MUC17: variants seen among roughly 807,000 people sequenced by gnomAD.
MUC17 encodes the protein mucin 17, cell surface associated, also known as mucin-17.
In MUC17, 190 loss-of-function variants were observed where a neutral mutation model predicts 170.3. The observed-to-expected ratio is 1.12, with a 90% CI of 0.99 to 1.26. MUC17 has a LOEUF of 1.26. MUC17 is among the 50% of genes most tolerant of loss of function. The probability of loss-of-function intolerance (pLI) is 0.00; values close to 1 mark genes in which losing one functional copy is unlikely to be tolerated. For missense variants in MUC17, 6,415 were observed against 5,530.0 expected (o/e 1.16, Z -5.08); for synonymous variants, 2,325 against 2,002.5 (o/e 1.16, Z -4.30).
intron 1 of MUC17, among the ~76,000 whole-genome samples, chr7:101,030,321 C>A (rs1794255617): frequency 2.0e-5 from 3 of 149,816 alleles, no homozygotes; most frequent in African/African-American, 7.4e-5. Context: ...CTCCCAGATT[C>A]AAGCAATTCT....
In MUC17 at chr7:101,043,717, C is replaced by G. The variant is rs368040615; in HGVS notation, c.12301C>G (p.Arg4101Gly). The G allele has an allele frequency of 2.5e-6, 4 of 1,614,190 alleles. No individual in the cohort carries two copies. Among genetic ancestry groups the G allele is most frequent in the East Asian group, 4.5e-5 (2 of 44,882 alleles). ...TMTTRTKPST[R>G]TTSFPTVTTT... is the part of the protein sequence containing the mutation. ...GACCACCAGGACAAAACCCAGCACACGGACCACTTCCTTCCCCACGGTGAC... is the reference window on the plus strand; with the variant it reads ...GACCACCAGGACAAAACCCAGCACAGGGACCACTTCCTTCCCCACGGTGAC... The change falls in exon 3 of 13, where the codon CGG becomes GGG. Residue 4101 changes from arginine (R) to glycine (G), a missense_variant. Coordinates refer to ENST00000306151, the MANE Select transcript of MUC17 (RefSeq NM_001040105.2).
chr7:101,049,301 C>T (rs1383973047), intron 5 of MUC17, 23 bp from the exon 6 acceptor site: 1 of 1,614,078 alleles, frequency 6.2e-7, no homozygotes, highest in African/African-American at 1.3e-5. Flanking sequence ...TCTGGGATGA[C>T]ACAGTGGCCC....
At position 101,039,075 on chromosome 7, in the gene MUC17, T is replaced by C. The variant is rs145641259; in HGVS notation, c.7659T>C (p.Ser2553=). 1.7e-5 allele frequency: 27 copies of C among 1,613,214 alleles called. No homozygotes were observed. In the South Asian group the frequency reaches 3.0e-4, roughly 18 times the overall value. ...NSPVVTSTEI[S]SSATSAEGTS... is the part of the protein sequence containing the mutation. ...CTGTGGTCACTTCTACTGAAATCAG[T>C]TCATCTGCTACATCCGCTGAAGGTA... The change falls in exon 3 of 13, where the codon AGT becomes AGC. Residue 2553 remains serine, a synonymous_variant. Coordinates refer to ENST00000306151, the MANE Select transcript of MUC17 (RefSeq NM_001040105.2).
intron 3 of MUC17, among the ~76,000 whole-genome samples, chr7:101,046,077 TAGAG>T (rs1028009465): frequency 2.4e-4 from 36 of 152,240 alleles, no homozygotes; most frequent in African/African-American, 8.4e-4. Flanking sequence ...GGGAGAGAGA[TAGAG>T]GGAGGAGACT....
In MUC17 at chr7:101,032,479, T is replaced by A; in HGVS notation, c.1063T>A (p.Ser355Thr). ...PVATSEMSTL[S>T]ITPVDTSTLV... is the part of the protein sequence containing the mutation. ...TGCCACTTCTGAAATGAGCACACTT[T>A]CAATAACTCCTGTTGACACCAGCAC... Residue 355 changes from serine to threonine, a missense_variant, in exon 3 of 13, where the codon TCA (serine) becomes ACA (threonine). Transcript: ENST00000306151. 6.2e-7 allele frequency: 1 copy of A among 1,614,076 alleles called. No homozygotes were observed. The highest frequency in any genetic ancestry group is 8.5e-7 in the Non-Finnish European group (1 of 1,179,994).
At position 101,039,632 on chromosome 7, in the gene MUC17, C is replaced by G. The variant is rs1177152708; in HGVS notation, c.8216C>G (p.Thr2739Ser). Reference protein sequence around the residue: ...ASSSPTTAEGTSMRISTPSDG... With the variant: ...ASSSPTTAEGSSMRISTPSDG... ...TCTTCTCCTACAACTGCTGAAGGTA[C>G]CAGCATGCGAATCTCAACTCCTAGT... The change falls in exon 3 of 13, where the codon ACC becomes AGC. Residue 2739 changes from threonine to serine, a missense_variant. Thr to Ser is a moderately conservative substitution (Grantham distance 58). Transcript: ENST00000306151. The G allele has an allele frequency of 1.2e-6, 2 of 1,610,732 alleles. No homozygotes were observed. Among genetic ancestry groups the G allele is most frequent in the South Asian group, 2.2e-5 (2 of 90,912 alleles).
intron 3 of MUC17, among the ~76,000 whole-genome samples, chr7:101,044,345 G>A (rs1447991132): frequency 6.6e-6 from 1 of 152,140 alleles, no homozygotes; most frequent in Non-Finnish European, 1.5e-5. Flanking sequence ...GTGGGCAAAG[G>A]ATAAGAACAG....
Position 101,036,755 on chromosome 7 carries a change from T to G in MUC17, c.5339T>G (p.Val1780Gly), listed in dbSNP as rs182021493. Residue 1780 changes from valine to glycine, a missense_variant, in exon 3 of 13, where the codon GTG becomes GGG. Val to Gly is a moderately radical substitution (Grantham distance 109). Transcript: ENST00000306151. ...ACTCCTATTGACACCAGCACCCCTG[T>G]GACCACTTCTACTGAAGCCACTTCG... ...SATPIDTSTP[V>G]TTSTEATSSP... 3.1e-6 allele frequency: 5 copies of G among 1,612,496 alleles called. No homozygotes were observed. Among genetic ancestry groups the G allele is most frequent in the African/African-American group, 1.3e-5 (1 of 74,574 alleles).
In MUC17 at chr7:101,041,539, A is replaced by G; in HGVS notation, c.10123A>G (p.Thr3375Ala). 7 of 1,607,634 alleles carry G rather than the reference A, an allele frequency of 4.4e-6. No homozygotes were observed. Among genetic ancestry groups the G allele is most frequent in the Non-Finnish European group, 5.1e-6 (6 of 1,178,170 alleles). Residue 3375 changes from threonine (T) to alanine (A), a missense_variant, in exon 3 of 13, where the codon ACT becomes GCT. By Grantham distance (58) the Thr-to-Ala change is moderately conservative. Transcript: ENST00000306151. ...CACCAGCACACCTGTCACCACTTCT[A>G]CTGAAGCCAGTTTATCTCCTACAAC... ...VDTSTPVTTSTEASLSPTTAE... is the reference protein window; with the variant it reads ...VDTSTPVTTSAEASLSPTTAE...
chr7:101,055,218 C>T (rs10215095), intron 11 of MUC17, among the ~76,000 whole-genome samples: 3,257 of 151,140 alleles, frequency 0.022, 49 homozygotes, highest in Middle Eastern at 0.027. Flanking sequence ...TCATAATACA[C>T]ATAAGTAGAT....
Position 101,033,754 on chromosome 7 carries a change from A to G in MUC17, c.2338A>G (p.Thr780Ala). Residue 780 changes from threonine (T) to alanine (A), a missense_variant, in exon 3 of 13, where the codon ACT (threonine) becomes GCT (alanine). By Grantham distance (58) the Thr-to-Ala change is moderately conservative. Transcript: ENST00000306151. ...TPLDTSTHITTSTEASCSPTT... is the reference protein window; with the variant it reads ...TPLDTSTHITASTEASCSPTT... ...TCTTGACACAAGCACACATATCACCACTTCTACTGAAGCCAGTTGCTCTCC... is the reference window on the plus strand; with the variant it reads ...TCTTGACACAAGCACACATATCACCGCTTCTACTGAAGCCAGTTGCTCTCC... The G allele has an allele frequency of 6.2e-7, 1 of 1,613,926 alleles. No homozygotes were observed.
intron 1 of MUC17, among the ~76,000 whole-genome samples, chr7:101,024,277 G>A (rs1794143182): frequency 6.6e-6 from 1 of 151,918 alleles, no homozygotes; most frequent in South Asian, 2.1e-4. Context: ...TGACAAGCCT[G>A]TAATCTCAGC....
Position 101,050,090 on chromosome 7 carries a change from C to T in MUC17, c.12723-394C>T, listed in dbSNP as rs28431921. On this transcript the variant is annotated intron_variant, in intron 6 of 12. Transcript: ENST00000306151. Reference sequence around the variant, plus strand: ...AGGCTAGAGTAAGCCAGGATCGCACCATTGCTCTCCAGCCTGGGCAGCAGT... The same window carrying T: ...AGGCTAGAGTAAGCCAGGATCGCACTATTGCTCTCCAGCCTGGGCAGCAGT... 4.3e-3 allele frequency among the ~76,000 whole-genome samples: 651 copies of T among 152,278 alleles called. 4 individuals are homozygous for T. The highest frequency in any genetic ancestry group is 0.015 in the African/African-American group (626 of 41,558).
intron 1 of MUC17, among the ~76,000 whole-genome samples, chr7:101,025,365 G>GA (rs796440861): frequency 2.1e-3 from 259 of 121,632 alleles, no homozygotes; most frequent in Admixed American, 4.0e-3. Context: ...TCCGTCTTAA[G>GA]AAAAAAAAAA....
rs1418837657 is a variant in MUC17 at position 101,036,854 on chromosome 7, C to T, written c.5438C>T (p.Thr1813Ile). Residue 1813 changes from threonine (T) to isoleucine (I), a missense_variant, in exon 3 of 13, where the codon ACA becomes ATA. Coordinates refer to ENST00000306151, the MANE Select transcript of MUC17 (RefSeq NM_001040105.2). ...GAAGGAATGACTCCATTAACAAGCA[C>T]ACCTGTCAGCCACACGCTGGTGGCC... ...LSEGMTPLTSTPVSHTLVANS... is the reference protein window; with the variant it reads ...LSEGMTPLTSIPVSHTLVANS... 2.5e-6 allele frequency: 4 copies of T among 1,604,750 alleles called. No homozygotes were observed. The African/African-American group carries it at 4.1e-5, about 16-fold the overall frequency.
intron 12 of MUC17, among the ~76,000 whole-genome samples, chr7:101,057,350 G>T (rs568797411): frequency 6.8e-4 from 104 of 152,332 alleles, no homozygotes; most frequent in African/African-American, 2.5e-3. Flanking sequence ...CTTTGGGCAA[G>T]GATGAAATCT....
In MUC17 at chr7:101,032,118, C is replaced by T; in HGVS notation, c.702C>T (p.Ile234=). 3 of 1,613,668 alleles carry T rather than the reference C, an allele frequency of 1.9e-6. No homozygotes were observed. The highest frequency in any genetic ancestry group is 3.3e-4 in the Middle Eastern group (2 of 6,052). ...STMKVASSEA[I]TLLTTPVEIS... ...TGAAGGTGGCCAGTTCAGAGGCTAT[C>T]ACCCTTTTGACAACTCCTGTTGAAA... The change falls in exon 3 of 13, where the codon ATC becomes ATT. Residue 234 remains isoleucine (I), a synonymous_variant. Transcript: ENST00000306151.
In MUC17 at chr7:101,053,310, T is replaced by A. The variant is rs377469320; in HGVS notation, c.13266-29T>A. ...CCTTATTCCTGTTCCCCAATCCTAA[T>A]GGGGTCTCTCTGATGTTTCCATCAC... On this transcript the variant is annotated intron_variant, in intron 10 of 12. Transcript: ENST00000306151. The A allele has an allele frequency of 4.4e-6, 7 of 1,604,916 alleles. No individual in the cohort carries two copies. The East Asian group carries it at 1.6e-4, about 36-fold the overall frequency.
At chr7:101,024,003 T>G (rs1001425687) in intron 1 of MUC17, among the ~76,000 whole-genome samples, 1 of 152,260 alleles carries the variant, frequency 6.6e-6, no homozygotes, top group African/African-American at 2.4e-5. Context: ...GAGCATTTTT[T>G]CATATGCTTG....
Sources: gnomAD v4.1 joint callset for allele counts (sites outside exome capture counted in the v4.1 genomes callset) on GRCh38, gnomAD v4.1.1 for gene constraint, MANE v1.5 for transcripts, NCBI Gene and HGNC (gene_info 2026-07-23, HGNC 2026-07-21) for gene names.